Variants in CORIN observed in about 807,000 individuals in gnomAD.
The protein encoded by CORIN is corin, serine peptidase, also known as atrial natriuretic peptide-converting enzyme.
A neutral mutation model predicts 125.3 loss-of-function variants in CORIN; 117 were observed. That is an observed-to-expected ratio of 0.93 (90% confidence interval 0.80 to 1.09). CORIN has a LOEUF of 1.09. Among genes scored for constraint, CORIN ranks in the 50% least tolerant of loss-of-function variants. CORIN has a pLI of 0.00. For missense variants in CORIN, 1,253 were observed against 1,306.7 expected, an observed-to-expected ratio of 0.96 and a Z score of 0.63; for synonymous variants, 450 against 466.4, an observed-to-expected ratio of 0.96 and a Z score of 0.45.
chr4:47,838,051 C>T lies in CORIN; in HGVS notation c.-102G>A, dbSNP rs1041282856. On this transcript the variant is annotated 5_prime_UTR_variant, in exon 1 of 22. Coordinates refer to ENST00000273857, the MANE Select transcript of CORIN (RefSeq NM_006587.4). ...GGCACTACGGATGATTTTCTCCAAG[C>T]TCAAGAGAGACAAACTGAACTTTAA... 4 of 1,562,196 alleles carry T rather than the reference C, an allele frequency of 2.6e-6. No homozygotes were observed. The highest frequency in any genetic ancestry group is 3.4e-6 in the Non-Finnish European group (4 of 1,162,938).
chr4:47,708,168 A>C (rs1305642708), intron 5 of CORIN, among the ~76,000 whole-genome samples: 1 of 152,192 alleles, frequency 6.6e-6, no homozygotes, highest in Non-Finnish European at 1.5e-5. Context: ...AATTTGCCAC[A>C]AATTGGGTGG....
intron 3 of CORIN, among the ~76,000 whole-genome samples, chr4:47,766,720 C>T (rs1383572765): frequency 2.0e-5 from 3 of 151,814 alleles, no homozygotes; most frequent in Non-Finnish European, 4.4e-5. Context: ...CTGAGGTGGG[C>T]GGATCACCTG....
At chr4:47,634,988 TACATGTTC>T (rs1445036317) in intron 16 of CORIN, among the ~76,000 whole-genome samples, 2 of 152,252 alleles carry the variant, frequency 1.3e-5, no homozygotes, top group Admixed American at 6.5e-5. Context: ...GTCAAGATTC[TACATGTTC>T]TTCAGTTTGT....
At chr4:47,819,962 A>T (rs992841544) in intron 1 of CORIN, among the ~76,000 whole-genome samples, 2 of 152,118 alleles carry the variant, frequency 1.3e-5, no homozygotes, top group African/African-American at 4.8e-5. Context: ...ATCCAGGGGG[A>T]TCCTAATTGA....
chr4:47,632,259 G>A (rs564959670), intron 16 of CORIN: 41 of 152,318 alleles, frequency 2.7e-4, no homozygotes, highest in African/African-American at 9.6e-4. Flanking sequence ...TCCATCTATT[G>A]ATGGGGGAAA....
intron 4 of CORIN, among the ~76,000 whole-genome samples, chr4:47,755,421 C>A (rs139172698): frequency 6.6e-6 from 1 of 152,148 alleles, no homozygotes; most frequent in Non-Finnish European, 1.5e-5. Context: ...GATTCTCAAT[C>A]GCTATTCTCA....
At chr4:47,685,327 G>A (rs944448345) in intron 6 of CORIN, among the ~76,000 whole-genome samples, 5 of 152,080 alleles carry the variant, frequency 3.3e-5, no homozygotes, top group East Asian at 1.9e-4. Flanking sequence ...AATACTACTC[G>A]GTGATTAAAA....
chr4:47,823,885 C>T (rs1238340682), intron 1 of CORIN, among the ~76,000 whole-genome samples: 1 of 152,148 alleles, frequency 6.6e-6, no homozygotes, highest in African/African-American at 2.4e-5. Flanking sequence ...GACCCTGAAC[C>T]CCATCTTAGG....
rs1721190396 is a variant in CORIN, at chr4:47,594,820, T to C, written c.*901A>G. ...ACAAAATATTGCCCATAAATATAGA[T>C]GTAGTTGTTGCAGTCTCAATCAGCC... On this transcript the variant is annotated 3_prime_UTR_variant, in exon 22 of 22. Coordinates refer to ENST00000273857, the MANE Select transcript of CORIN (RefSeq NM_006587.4). 1 of 152,170 alleles carries C rather than the reference T, an allele frequency of 6.6e-6. No homozygotes were observed. The highest frequency in any genetic ancestry group is 1.5e-5 in the Non-Finnish European group (1 of 68,018). The allele number at this position is 152,170 out of a possible 1,614,324, so 9.4% of individuals were successfully genotyped here. A position where few individuals can be genotyped will look rare whatever the true frequency, so the allele number is the denominator to read the frequency against.
chr4:47,731,695 C>G (rs1727879767), intron 5 of CORIN, among the ~76,000 whole-genome samples: 1 of 152,010 alleles, frequency 6.6e-6, no homozygotes, highest in Admixed American at 6.6e-5. Context: ...ATGGTGAAAC[C>G]CCATCTCTAC....
At chr4:47,816,114 A>T (rs1732256705) in intron 1 of CORIN, among the ~76,000 whole-genome samples, 1 of 152,266 alleles carries the variant, frequency 6.6e-6, no homozygotes, top group South Asian at 2.1e-4. Context: ...ATGCTCTACA[A>T]CAATTCATTT....
intron 6 of CORIN, among the ~76,000 whole-genome samples, chr4:47,684,966 A>G (rs1265828585): frequency 2.6e-5 from 4 of 152,196 alleles, no homozygotes; most frequent in Non-Finnish European, 4.4e-5. Context: ...TAAAACCACA[A>G]GAAGATATAA....
chr4:47,782,328 T>C (rs534108536), intron 3 of CORIN, among the ~76,000 whole-genome samples: 127 of 146,796 alleles, frequency 8.7e-4, no homozygotes, highest in African/African-American at 3.0e-3. Flanking sequence ...AAGGTTGCAG[T>C]GAACTGAGAT....
At chr4:47,836,962 C>T (rs936571266) in intron 1 of CORIN, among the ~76,000 whole-genome samples, 1 of 152,216 alleles carries the variant, frequency 6.6e-6, no homozygotes, top group African/African-American at 2.4e-5. Flanking sequence ...AAGCGGATTC[C>T]GGGGCCCTAA....
intron 2 of CORIN, among the ~76,000 whole-genome samples, chr4:47,794,756 A>G (rs1371693369): frequency 2.6e-5 from 4 of 152,152 alleles, no homozygotes; most frequent in African/African-American, 9.7e-5. Flanking sequence ...ACTCAGCTGT[A>G]ACCCTTTCTC....
chr4:47,816,390 A>G (rs1341641448), intron 1 of CORIN, among the ~76,000 whole-genome samples: 1 of 152,220 alleles, frequency 6.6e-6, no homozygotes, highest in Non-Finnish European at 1.5e-5. Flanking sequence ...AAACACGTCT[A>G]TGTGACATGT....
chr4:47,599,755 C>G (rs928195744), intron 21 of CORIN, among the ~76,000 whole-genome samples: 1 of 152,132 alleles, frequency 6.6e-6, no homozygotes, highest in Non-Finnish European at 1.5e-5. Context: ...CAGAGGTAGT[C>G]CTGTCTCACA....
At chr4:47,706,355 C>A in intron 5 of CORIN, 1 of 1,577,318 alleles carries the variant, frequency 6.3e-7, no homozygotes, top group Non-Finnish European at 8.7e-7. Context: ...CTGGCGGCAG[C>A]CATCAGGTAA....
chr4:47,721,189 C>T (rs1257829815), intron 5 of CORIN, among the ~76,000 whole-genome samples: 1 of 151,996 alleles, frequency 6.6e-6, no homozygotes, highest in African/African-American at 2.4e-5. Flanking sequence ...AGAGAGAGCA[C>T]ACAAGAGCGC....
Sources: allele counts gnomAD v4.1 joint callset (sites outside exome capture counted in the v4.1 genomes callset), GRCh38; gene constraint gnomAD v4.1.1; transcripts MANE v1.5; gene names NCBI Gene and HGNC (gene_info 2026-07-23, HGNC 2026-07-21).